NCKAP5: variants seen among roughly 807,000 people sequenced by gnomAD.
NCKAP5 encodes nck-associated protein 5.
NCKAP5 carries 92 observed loss-of-function variants against 167.0 expected under a neutral mutation model. The ratio of observed to expected loss-of-function variants is 0.55; its 90% confidence interval spans 0.47 to 0.66. The LOEUF (loss-of-function observed/expected upper bound fraction) is 0.66, where lower values mean the gene tolerates loss of function less well. NCKAP5 is among the 30% of genes least tolerant of loss of function. NCKAP5 has a pLI of 0.00. For synonymous variants in NCKAP5, 891 were observed against 877.4 expected (o/e 1.02, Z -0.27); for missense variants, 2,378 against 2,315.0 (o/e 1.03, Z -0.56).
intron 9 of NCKAP5, among the ~76,000 whole-genome samples, chr2:132,871,916 T>C (rs1282850335): frequency 6.6e-6 from 1 of 151,508 alleles, no homozygotes; most frequent in Non-Finnish European, 1.5e-5. Flanking sequence ...ATAGGACAGC[T>C]GTTTGGAGTT....
At chr2:133,336,361 A>C (rs1460014386) in intron 3 of NCKAP5, among the ~76,000 whole-genome samples, 1 of 152,172 alleles carries the variant, frequency 6.6e-6, no homozygotes, top group Admixed American at 6.5e-5. Context: ...CCCAGTCTGC[A>C]GGTTCACAAG....
chr2:132,842,743 T>C (rs1159780403), intron 11 of NCKAP5, among the ~76,000 whole-genome samples: 1 of 151,988 alleles, frequency 6.6e-6, no homozygotes, highest in African/African-American at 2.4e-5. Context: ...TTTCACTTTG[T>C]TGCCTAGGTT....
At chr2:133,513,932 C>T (rs919199220) in intron 3 of NCKAP5, among the ~76,000 whole-genome samples, 8 of 152,138 alleles carry the variant, frequency 5.3e-5, no homozygotes, top group African/African-American at 1.9e-4. Flanking sequence ...TAAATACTAC[C>T]ACAGCTACAA....
intron 3 of NCKAP5, among the ~76,000 whole-genome samples, chr2:133,449,694 G>T (rs562044324): frequency 6.6e-6 from 1 of 152,062 alleles, no homozygotes; most frequent in Non-Finnish European, 1.5e-5. Flanking sequence ...CTATGTCAAG[G>T]TTGCGATCAT....
At chr2:133,591,294 C>T in the NCKAP5 span, among the ~76,000 whole-genome samples, 21 of 152,298 alleles carry the variant, frequency 1.4e-4, no homozygotes, top group South Asian at 6.2e-4. Context: ...CTTGGATGGC[C>T]GGGTTTCCCT....
intron 19 of NCKAP5, among the ~76,000 whole-genome samples, chr2:132,723,140 A>ATTTTTTTT (rs869234028): frequency 1.1e-5 from 1 of 93,436 alleles, no homozygotes; most frequent in East Asian, 3.3e-4. Flanking sequence ...GCCAGGTGGT[A>ATTTTTTTT]TTTTTTTTTT....
chr2:133,297,923 G>A (rs1382513938), intron 4 of NCKAP5, among the ~76,000 whole-genome samples: 1 of 152,276 alleles, frequency 6.6e-6, no homozygotes, highest in Admixed American at 6.5e-5. Context: ...ATTTATGGGA[G>A]CATTTGTTTA....
At chr2:132,926,241 A>T (rs1366409839) in intron 8 of NCKAP5, 1 of 343,494 alleles carries the variant, frequency 2.9e-6, no homozygotes, top group Non-Finnish European at 6.1e-6. Context: ...TTTAATAGCC[A>T]CTAGTATTCC....
At chr2:133,176,249 G>A (rs1344896947) in intron 5 of NCKAP5, among the ~76,000 whole-genome samples, 1 of 152,180 alleles carries the variant, frequency 6.6e-6, no homozygotes, top group Non-Finnish European at 1.5e-5. Context: ...AACCCATGTT[G>A]CCATGAAAAG....
In NCKAP5 at chr2:132,879,033, G is replaced by A. The variant is rs1691544851; in HGVS notation, c.580-117C>T. ...CGTGATCCAAAACAATCTTTTAGAAGTACCTATGACAAGTTCACTCTAAGT... is the reference window on the plus strand; with the variant it reads ...CGTGATCCAAAACAATCTTTTAGAAATACCTATGACAAGTTCACTCTAAGT... On this transcript the variant is annotated intron_variant, in intron 8 of 19. Transcript: ENST00000409261. The A allele has an allele frequency of 1.4e-5, 11 of 792,112 alleles. No homozygotes were observed. The South Asian group carries it at 1.5e-4, about 11-fold the overall frequency. The allele number at this position is 792,112 out of a possible 1,614,324, so 49.1% of individuals were successfully genotyped here.
At position 132,926,022 on chromosome 2, in the gene NCKAP5, C is replaced by T. The variant is rs201618192; in HGVS notation, c.579+37698G>A. 3.9e-5 allele frequency among the ~76,000 whole-genome samples: 6 copies of T among 152,258 alleles called. No individual in the cohort carries two copies. The East Asian group carries it at 1.2e-3, about 29-fold the overall frequency. On this transcript the variant is annotated intron_variant, in intron 8 of 19. Coordinates refer to ENST00000409261, the MANE Select transcript of NCKAP5 (RefSeq NM_207363.3). ...TTGTATCCATTATGTAATTTCTCAT[C>T]CTTCACCCCTCTCTCACTCTCCCAC...
At chr2:133,371,578 G>A (rs1685806694) in intron 3 of NCKAP5, among the ~76,000 whole-genome samples, 1 of 152,212 alleles carries the variant, frequency 6.6e-6, no homozygotes, top group South Asian at 2.1e-4. Context: ...CTGGCACAGA[G>A]TAAGCACCCT....
intron 8 of NCKAP5, among the ~76,000 whole-genome samples, chr2:132,902,769 G>C (rs1215170578): frequency 6.6e-6 from 1 of 152,188 alleles, no homozygotes; most frequent in Non-Finnish European, 1.5e-5. Flanking sequence ...ATGTGAAGGG[G>C]ACTTAACACA....
rs188644050 is a variant in NCKAP5 at position 133,556,259 on chromosome 2, T to C, written c.-62+2791A>G. Among the ~76,000 whole-genome samples the C allele has an allele frequency of 1.7e-3, 254 of 152,340 alleles. 2 individuals carry two copies. The highest frequency in any genetic ancestry group is 5.6e-3 in the African/African-American group (233 of 41,574). On this transcript the variant is annotated intron_variant, in intron 2 of 19. Transcript: ENST00000409261. ...GCAATTATCTGTATGTATTTTATAC[T>C]TCAATAAAAAAGGTTAAACATTTTC...
intron 2 of NCKAP5, among the ~76,000 whole-genome samples, chr2:133,540,676 C>T (rs1443411617): frequency 6.6e-6 from 1 of 151,986 alleles, no homozygotes; most frequent in Non-Finnish European, 1.5e-5. Flanking sequence ...TGGCTCATAC[C>T]TATAATGCCA....
chr2:133,634,122 G>A, the NCKAP5 span, among the ~76,000 whole-genome samples: 42 of 152,260 alleles, frequency 2.8e-4, no homozygotes, highest in African/African-American at 8.4e-4. Context: ...TATTTCATAC[G>A]TGAAGTAATG....
At chr2:133,295,735 G>A (rs1679914147) in intron 4 of NCKAP5, among the ~76,000 whole-genome samples, 1 of 152,140 alleles carries the variant, frequency 6.6e-6, no homozygotes, top group Admixed American at 6.5e-5. Flanking sequence ...CCCCTACAAT[G>A]AAGAATTGTC....
chr2:133,095,635 C>G (rs1168711305), intron 6 of NCKAP5, among the ~76,000 whole-genome samples: 2 of 152,200 alleles, frequency 1.3e-5, no homozygotes, highest in Non-Finnish European at 2.9e-5. Flanking sequence ...CTCAGCTAAG[C>G]CGGGCAACCC....
chr2:133,433,691 T>C (rs991643473), intron 3 of NCKAP5: 1 of 152,206 alleles, frequency 6.6e-6, no homozygotes, highest in Admixed American at 6.6e-5. Context: ...CCAAATCCTG[T>C]TATCTGTCTG....
Sources: allele counts gnomAD v4.1 joint callset (sites outside exome capture counted in the v4.1 genomes callset), GRCh38; gene constraint gnomAD v4.1.1; transcripts MANE v1.5; gene names NCBI Gene and HGNC (gene_info 2026-07-23, HGNC 2026-07-21).